The following FYB1 variants were observed in gnomAD, a reference collection of about 807,000 sequenced individuals.
The protein encoded by FYB1 is FYN binding protein 1, also known as FYN-binding protein 1.
A neutral mutation model predicts 94.1 loss-of-function variants in FYB1; 41 were observed. The observed-to-expected ratio is 0.44, with a 90% CI of 0.34 to 0.57. The LOEUF is 0.57. Ranked by LOEUF, FYB1 falls within the 20% of genes least tolerant of loss-of-function variation. FYB1 has a pLI of 0.02. For missense variants in FYB1, 1,050 were observed against 976.8 expected (o/e 1.07, Z -1.00); for synonymous variants, 367 against 353.2 (o/e 1.04, Z -0.44).
intron 2 of FYB1, among the ~76,000 whole-genome samples, chr5:39,193,390 A>G (rs891905377): frequency 1.3e-5 from 2 of 152,208 alleles, no homozygotes; most frequent in Non-Finnish European, 1.5e-5. Flanking sequence ...TAAAAATACT[A>G]AAAAAGAAAA....
intron 14 of FYB1, 24 bp from the exon 15 acceptor site, chr5:39,119,658 A>G: frequency 6.8e-7 from 1 of 1,467,194 alleles, no homozygotes; most frequent in South Asian, 1.5e-5. Flanking sequence ...ACACACATAA[A>G]ACAACACTTT....
chr5:39,114,499 T>C (rs1407920887), intron 16 of FYB1, among the ~76,000 whole-genome samples: 1 of 152,218 alleles, frequency 6.6e-6, no homozygotes, highest in Non-Finnish European at 1.5e-5. Flanking sequence ...AGCTATGCTT[T>C]TCTTTCTTTG....
chr5:39,205,339 T>C (rs1748748187), intron 1 of FYB1, among the ~76,000 whole-genome samples: 1 of 152,194 alleles, frequency 6.6e-6, no homozygotes, highest in Admixed American at 6.5e-5. Flanking sequence ...TTAGGCTTAG[T>C]TTTCTCACCT....
chr5:39,239,090 G>T (rs903129058), intron 1 of FYB1, among the ~76,000 whole-genome samples: 11 of 152,064 alleles, frequency 7.2e-5, no homozygotes, highest in Admixed American at 1.3e-4. Context: ...ATGCAGAAAA[G>T]GTTTCTAATA....
Position 39,203,006 on chromosome 5 carries a change from A to G in FYB1, c.-27-19T>C, listed in dbSNP as rs1386435145. On this transcript the variant is annotated intron_variant, in intron 1 of 18. Coordinates refer to ENST00000512982, the MANE Select transcript of FYB1 (RefSeq NM_001465.6). ...TTCCATCCTACAAACATAGGGAACA[A>G]AAAATAGCTGAGAGACAAAAGTCTT... The G allele has an allele frequency of 1.2e-6, 2 of 1,605,892 alleles. No individual in the cohort carries two copies. The highest frequency in any genetic ancestry group is 1.7e-6 in the Non-Finnish European group (2 of 1,174,772).
At chr5:39,273,794 G>A (rs1056771959) in intron 1 of FYB1, among the ~76,000 whole-genome samples, 17 of 152,244 alleles carry the variant, frequency 1.1e-4, no homozygotes, top group African/African-American at 3.9e-4. Flanking sequence ...TAGAAGAATG[G>A]GGTGGCTAGG....
chr5:39,203,044 T>G (rs1748519886), intron 1 of FYB1, 57 bp from the exon 2 acceptor site: 2 of 1,459,338 alleles, frequency 1.4e-6, no homozygotes, highest in Admixed American at 1.8e-5. Context: ...TTGCACAGTT[T>G]AAAATACTAT....
chr5:39,239,600 C>A (rs1464935824), intron 1 of FYB1, among the ~76,000 whole-genome samples: 1 of 152,046 alleles, frequency 6.6e-6, no homozygotes, highest in Non-Finnish European at 1.5e-5. Context: ...ATACAGCTAA[C>A]CATAGAGGGG....
chr5:39,212,402 A>G (rs897480194), intron 1 of FYB1, among the ~76,000 whole-genome samples: 4 of 152,238 alleles, frequency 2.6e-5, no homozygotes, highest in Admixed American at 6.5e-5. Flanking sequence ...AAAGCTATAC[A>G]TTAGAAATGG....
intron 2 of FYB1, among the ~76,000 whole-genome samples, chr5:39,175,607 G>T (rs1479752113): frequency 1.3e-5 from 2 of 152,282 alleles, no homozygotes; most frequent in African/African-American, 2.4e-5. Flanking sequence ...TTTCATGCGG[G>T]TACATGCTGT....
intron 3 of FYB1, among the ~76,000 whole-genome samples, chr5:39,142,375 T>C (rs144592162): frequency 3.1e-4 from 47 of 152,302 alleles, no homozygotes; most frequent in African/African-American, 1.1e-3. Flanking sequence ...AGAAAATACA[T>C]TTTCTTAACC....
At chr5:39,228,491 A>G (rs531650149) in intron 1 of FYB1, among the ~76,000 whole-genome samples, 3 of 150,972 alleles carry the variant, frequency 2.0e-5, no homozygotes, top group South Asian at 2.1e-4. Context: ...ATTTTGTACC[A>G]TGGACATGCC....
At chr5:39,164,468 A>G (rs1001484027) in intron 2 of FYB1, among the ~76,000 whole-genome samples, 4 of 152,194 alleles carry the variant, frequency 2.6e-5, no homozygotes, top group Admixed American at 2.6e-4. Flanking sequence ...CCTGTTGCCC[A>G]GGTTGGAGTG....
intron 1 of FYB1, among the ~76,000 whole-genome samples, chr5:39,260,580 A>T (rs1752169912): frequency 6.6e-6 from 1 of 152,212 alleles, no homozygotes; most frequent in South Asian, 2.1e-4. Flanking sequence ...ACAAGGAATG[A>T]CAATTAGATT....
chr5:39,138,573 G>A, intron 6 of FYB1, 84 bp downstream of exon 6: 1 of 735,620 alleles, frequency 1.4e-6, no homozygotes, highest in Non-Finnish European at 2.2e-6. Context: ...CCCTCCTAGT[G>A]TTGTTATATA....
chr5:39,261,484 C>T (rs1010676859), intron 1 of FYB1, among the ~76,000 whole-genome samples: 12 of 152,178 alleles, frequency 7.9e-5, no homozygotes, highest in Non-Finnish European at 1.0e-4. Context: ...CAGTGGCTCA[C>T]GCCTGTACTC....
chr5:39,152,003 A>G (rs968682263), intron 3 of FYB1, among the ~76,000 whole-genome samples: 7 of 152,204 alleles, frequency 4.6e-5, no homozygotes, highest in African/African-American at 1.7e-4. Context: ...TTCTTGGGGA[A>G]AATTTTCTAA....
chr5:39,205,917 G>A (rs1748806082), intron 1 of FYB1, among the ~76,000 whole-genome samples: 1 of 152,110 alleles, frequency 6.6e-6, no homozygotes, highest in Non-Finnish European at 1.5e-5. Context: ...AATGGGCAAA[G>A]GCATGTAAAA....
At chr5:39,260,371 A>G (rs1431995761) in intron 1 of FYB1, among the ~76,000 whole-genome samples, 1 of 152,172 alleles carries the variant, frequency 6.6e-6, no homozygotes, top group Non-Finnish European at 1.5e-5. Flanking sequence ...GTAGAGTTCA[A>G]TAGCTGTGAC....
Sources: allele counts gnomAD v4.1 joint callset (sites outside exome capture counted in the v4.1 genomes callset), GRCh38; gene constraint gnomAD v4.1.1; transcripts MANE v1.5; gene names NCBI Gene and HGNC (gene_info 2026-07-23, HGNC 2026-07-21).